The following SHANK2 variants were observed in gnomAD, a reference collection of about 807,000 sequenced individuals.
SHANK2 encodes SH3 and multiple ankyrin repeat domains protein 2.
Under a neutral mutation model 133.7 loss-of-function variants are expected in SHANK2, and 43 were observed. The ratio of observed to expected loss-of-function variants is 0.32; its 90% CI spans 0.25 to 0.41. The LOEUF (loss-of-function observed/expected upper bound fraction) is 0.41, where lower values mean the gene tolerates loss of function less well. Ranked by LOEUF, SHANK2 falls within the 10% of genes least tolerant of loss-of-function variation. The probability of loss-of-function intolerance (pLI) is 1.00; values close to 1 mark genes in which losing one functional copy is unlikely to be tolerated. For missense variants in SHANK2, 1,994 were observed against 2,235.8 expected, an observed-to-expected ratio of 0.89 and a Z score of 2.18; for synonymous variants, 1,017 against 952.8, an observed-to-expected ratio of 1.07 and a Z score of -1.24.
At chr11:70,730,750 T>C (rs1946270277) in intron 14 of SHANK2, among the ~76,000 whole-genome samples, 4 of 151,960 alleles carry the variant, frequency 2.6e-5, no homozygotes, top group Admixed American at 6.6e-5. Flanking sequence ...CTGGACTCCA[T>C]GTCTTCATTT....
chr11:71,074,320 G>A (rs1951190742), intron 9 of SHANK2, among the ~76,000 whole-genome samples: 1 of 152,178 alleles, frequency 6.6e-6, no homozygotes, highest in African/African-American at 2.4e-5. Flanking sequence ...CTTAATGATG[G>A]TTTTGCAAAT....
At chr11:70,949,363 G>T (rs937739077) in intron 10 of SHANK2, among the ~76,000 whole-genome samples, 5 of 152,188 alleles carry the variant, frequency 3.3e-5, no homozygotes, top group Non-Finnish European at 7.3e-5. Context: ...GCTCCCCGGG[G>T]GCGCATCATC....
At chr11:71,141,174 C>A (rs1415641133) in intron 3 of SHANK2, among the ~76,000 whole-genome samples, 1 of 152,178 alleles carries the variant, frequency 6.6e-6, no homozygotes, top group Admixed American at 6.5e-5. Context: ...GTACGGGACA[C>A]ATGCCCTGTG....
intron 14 of SHANK2, among the ~76,000 whole-genome samples, chr11:70,702,439 ACAT>A (rs1276991495): frequency 2.7e-5 from 4 of 149,198 alleles, no homozygotes; most frequent in African/African-American, 7.4e-5. Context: ...ATCACCACCA[ACAT>A]CATCACCACC....
At chr11:70,892,359 G>C (rs1344591099) in intron 11 of SHANK2, among the ~76,000 whole-genome samples, 7 of 152,250 alleles carry the variant, frequency 4.6e-5, no homozygotes, top group East Asian at 3.9e-4. Flanking sequence ...ACTATGGTGG[G>C]GGGGACTGCC....
rs73535367 is a variant in SHANK2, at chr11:70,935,120, G to A, written c.1108-38553C>T. Among the ~76,000 whole-genome samples, 1,077 of 152,302 alleles carry A rather than the reference G, an allele frequency of 7.1e-3. 10 individuals are homozygous for A. Among genetic ancestry groups the A allele is most frequent in the African/African-American group, 0.025 (1,052 of 41,564 alleles). ...AATTCCAGAAATAAACAATTCACCTGTTTTCAATTGTGTGCCATTCTGGGC... is the reference window on the plus strand; with the variant it reads ...AATTCCAGAAATAAACAATTCACCTATTTTCAATTGTGTGCCATTCTGGGC... On this transcript the variant is annotated intron_variant, in intron 10 of 25. Transcript: ENST00000601538.
At chr11:70,827,894 G>A (rs191431244) in intron 11 of SHANK2, among the ~76,000 whole-genome samples, 75 of 152,242 alleles carry the variant, frequency 4.9e-4, no homozygotes, top group Non-Finnish European at 9.6e-4. Flanking sequence ...ACGGGACTGC[G>A]GCATGCCTCG....
At chr11:70,734,588 G>A (rs572048938) in intron 14 of SHANK2, among the ~76,000 whole-genome samples, 1 of 152,336 alleles carries the variant, frequency 6.6e-6, no homozygotes, top group Admixed American at 6.5e-5. Context: ...CAAGGGGTGG[G>A]GTGGGGAGGA....
At chr11:71,202,433 T>C (rs1555117280) in intron 2 of SHANK2, among the ~76,000 whole-genome samples, 6 of 152,158 alleles carry the variant, frequency 3.9e-5, no homozygotes, top group South Asian at 4.1e-4. Flanking sequence ...CAGAGATCCA[T>C]AGACTGAGGT....
intron 14 of SHANK2, among the ~76,000 whole-genome samples, chr11:70,707,928 G>C (rs532122705): frequency 2.6e-5 from 4 of 152,328 alleles, no homozygotes; most frequent in South Asian, 4.1e-4. Flanking sequence ...CCTGTGTCAA[G>C]CCAGGCCAAT....
chr11:70,945,392 G>A (rs1345772414), intron 10 of SHANK2, among the ~76,000 whole-genome samples: 2 of 152,150 alleles, frequency 1.3e-5, no homozygotes, highest in Non-Finnish European at 2.9e-5. Context: ...CCACCAGCCT[G>A]GTCGTGGTTC....
At chr11:70,668,849 G>A (rs1253982569) in intron 15 of SHANK2, 2 of 152,340 alleles carry the variant, frequency 1.3e-5, no homozygotes, top group African/African-American at 4.8e-5. Context: ...GGGAGGGCAG[G>A]AGCAGCTGAC....
intron 8 of SHANK2, among the ~76,000 whole-genome samples, chr11:71,086,468 AATAT>A (rs1951420470): frequency 7.2e-6 from 1 of 138,104 alleles, no homozygotes; most frequent in Non-Finnish European, 1.5e-5. Flanking sequence ...ATAATTATGT[AATAT>A]ATAATTTGTT....
chr11:71,076,857 C>T (rs1447263488), intron 8 of SHANK2, among the ~76,000 whole-genome samples: 1 of 152,230 alleles, frequency 6.6e-6, no homozygotes, highest in Non-Finnish European at 1.5e-5. Context: ...AAGTCCCAAG[C>T]TAGAACATTC....
intron 17 of SHANK2, among the ~76,000 whole-genome samples, chr11:70,541,842 C>T (rs374765290): frequency 7.4e-4 from 113 of 152,348 alleles, no homozygotes; most frequent in African/African-American, 2.3e-3. Context: ...CCACCAATGC[C>T]GGGGCTGACC....
rs1952031511 is a variant in SHANK2 at position 71,118,886 on chromosome 11, C to T, written c.354G>A (p.Glu118=). Residue 118 remains glutamate, a synonymous_variant, in exon 4 of 26, where the codon GAG becomes GAA. Coordinates refer to ENST00000601538, the MANE Select transcript of SHANK2 (RefSeq NM_012309.5). The stretch of plus-strand genomic sequence containing the variant: ...GTGGGTACTCGCGCAGGAGCCGCTC[C>T]TCATCCAGGAACTTGCCGTCACGCC... ...SNGRDGKFLD[E]ERLLREYPQP... 2 of 1,551,788 alleles carry T rather than the reference C, an allele frequency of 1.3e-6. No homozygotes were observed. Among genetic ancestry groups the T allele is most frequent in the East Asian group, 2.4e-5 (1 of 40,910 alleles).
intron 14 of SHANK2, among the ~76,000 whole-genome samples, chr11:70,747,758 T>C (rs995455492): frequency 1.3e-5 from 2 of 152,230 alleles, no homozygotes; most frequent in Non-Finnish European, 2.9e-5. Context: ...AACAGGCACG[T>C]GTGTGCATGT....
chr11:71,129,263 C>T (rs1238092301), intron 3 of SHANK2, among the ~76,000 whole-genome samples: 1 of 152,216 alleles, frequency 6.6e-6, no homozygotes, highest in East Asian at 1.9e-4. Flanking sequence ...CTTGCTTGTA[C>T]TCAGTGGACT....
chr11:71,089,497 T>TC (rs1459497768), intron 8 of SHANK2, among the ~76,000 whole-genome samples: 1 of 151,632 alleles, frequency 6.6e-6, no homozygotes, highest in Non-Finnish European at 1.5e-5. Flanking sequence ...ATGTCTGGTT[T>TC]CCCCCCACGG....
Sources: gnomAD v4.1 joint callset for allele counts (sites outside exome capture counted in the v4.1 genomes callset) on GRCh38, gnomAD v4.1.1 for gene constraint, MANE v1.5 for transcripts, NCBI Gene and HGNC (gene_info 2026-07-23, HGNC 2026-07-21) for gene names.